TBC1D8B: variants seen among roughly 807,000 people sequenced by gnomAD.
TBC1D8B encodes RP11-321G1.1.
Under a neutral mutation model 82.9 loss-of-function variants are expected in TBC1D8B, and 75 were observed. The ratio of observed to expected loss-of-function variants is 0.90; its 90% CI spans 0.75 to 1.10. The LOEUF (loss-of-function observed/expected upper bound fraction) is 1.10, where lower values mean the gene tolerates loss of function less well. TBC1D8B is among the 50% of genes least tolerant of loss of function. The pLI is 0.00. For synonymous variants in TBC1D8B, 276 were observed against 276.8 expected (o/e 1.00, Z 0.03); for missense variants, 794 against 796.9 (o/e 1.00, Z 0.04).
At chrX:106,825,748 G>A (rs1338994275) in intron 5 of TBC1D8B, among the ~76,000 whole-genome samples, 2 of 110,887 alleles carry the variant, frequency 1.8e-5, no homozygotes, top group African/African-American at 6.5e-5. Context: ...AGTCTTCTAG[G>A]AAATCACCCC....
In TBC1D8B at chrX:106,810,305, C is replaced by T. The variant is rs188671554; in HGVS notation, c.130+7322C>T. On this transcript the variant is annotated intron_variant, in intron 1 of 20. Transcript: ENST00000357242. The stretch of plus-strand genomic sequence containing the variant: ...GTAGAAGTGGTGGGAGGAGGGGGGA[C>T]GTTCTAAGTAGGAGGAATAATGTGA... 1.6e-4 allele frequency among the ~76,000 whole-genome samples: 18 copies of T among 110,997 alleles called. No individual in the cohort carries two copies. The East Asian group carries it at 4.5e-3, about 28-fold the overall frequency.
intron 7 of TBC1D8B, among the ~76,000 whole-genome samples, chrX:106,835,774 A>G (rs1002839223): frequency 8.9e-6 from 1 of 111,893 alleles, no homozygotes; most frequent in African/African-American, 3.3e-5. Flanking sequence ...CCTCATCTCC[A>G]TCTGAGACCA....
At chrX:106,817,302 A>C (rs1039425389) in intron 1 of TBC1D8B, among the ~76,000 whole-genome samples, 1 of 111,475 alleles carries the variant, frequency 9.0e-6, no homozygotes, top group Non-Finnish European at 1.9e-5. Context: ...AAAATTATAT[A>C]CATGAAGCTC....
intron 7 of TBC1D8B, among the ~76,000 whole-genome samples, chrX:106,834,807 G>C (rs1050469296): frequency 1.8e-5 from 2 of 112,116 alleles, no homozygotes; most frequent in Non-Finnish European, 3.8e-5. Flanking sequence ...TTGACTCCAT[G>C]TCTCATATCT....
intron 1 of TBC1D8B, among the ~76,000 whole-genome samples, chrX:106,811,338 C>A (rs775532569): frequency 2.6e-4 from 29 of 111,290 alleles, no homozygotes; most frequent in Middle Eastern, 9.1e-3. Context: ...CAGCCTCGGC[C>A]ACACAGTAAG....
intron 10 of TBC1D8B, among the ~76,000 whole-genome samples, chrX:106,843,732 A>G: frequency 9.0e-6 from 1 of 110,759 alleles, no homozygotes; most frequent in South Asian, 3.8e-4. Context: ...CTCTGCAAAC[A>G]AGAAAAAAAA....
intron 8 of TBC1D8B, 62 bp from the exon 9 acceptor site, chrX:106,839,986 G>A (rs2147751562): frequency 2.7e-6 from 3 of 1,093,141 alleles, no homozygotes; most frequent in Admixed American, 2.7e-5. Flanking sequence ...GAGTGGGAAA[G>A]TTATTTTGCA....
chrX:106,827,628 G>T, intron 7 of TBC1D8B: 2 of 198,150 alleles, frequency 1.0e-5, no homozygotes, highest in Admixed American at 7.1e-5. Context: ...CACATAGTTT[G>T]GTTTTTAAGA....
chrX:106,869,411 TATG>T, intron 18 of TBC1D8B, 71 bp from the exon 19 acceptor site: 1 of 924,986 alleles, frequency 1.1e-6, no homozygotes, highest in Non-Finnish European at 1.6e-6. Context: ...TATACGTCTA[TATG>T]AAACATTATT....
At chrX:106,838,419 G>A (rs1358715647) in intron 7 of TBC1D8B, among the ~76,000 whole-genome samples, 1 of 111,547 alleles carries the variant, frequency 9.0e-6, no homozygotes, top group Non-Finnish European at 1.9e-5. Context: ...GGATATCTGT[G>A]TGAAGGTATA....
chrX:106,831,910 A>T (rs1441419226), intron 7 of TBC1D8B, among the ~76,000 whole-genome samples: 1 of 111,402 alleles, frequency 9.0e-6, no homozygotes, highest in Non-Finnish European at 1.9e-5. Flanking sequence ...AAGAATATTG[A>T]CCCATTTTAG....
chrX:106,840,947 T>C (rs1307491326), intron 10 of TBC1D8B, 63 bp downstream of exon 10: 2 of 1,035,294 alleles, frequency 1.9e-6, no homozygotes, highest in African/African-American at 1.9e-5. Flanking sequence ...CAAATCCAAT[T>C]CCACTAATTT....
At chrX:106,832,308 T>G (rs1198631174) in intron 7 of TBC1D8B, among the ~76,000 whole-genome samples, 1 of 111,776 alleles carries the variant, frequency 8.9e-6, no homozygotes, top group East Asian at 2.8e-4. Context: ...GGTATATATT[T>G]AAATGTTCCA....
In TBC1D8B at chrX:106,854,312, A is replaced by C. The variant is rs771860551; in HGVS notation, c.2352+16A>C. 1.0e-5 allele frequency: 11 copies of C among 1,075,976 alleles called. No individual in the cohort carries two copies. The highest frequency in any genetic ancestry group is 1.4e-5 in the Non-Finnish European group (11 of 805,645). The allele number at this position is 1,075,976 out of a possible 1,213,427, so 88.7% of individuals were successfully genotyped here. On this transcript the variant is annotated intron_variant, in intron 14 of 20. Coordinates refer to ENST00000357242, the MANE Select transcript of TBC1D8B (RefSeq NM_017752.3). ...ACAGAATGTGGTAAGTATGCAACCAATGAGGAAAAACCAGTTGGAGTAATT... is the reference window on the plus strand; with the variant it reads ...ACAGAATGTGGTAAGTATGCAACCACTGAGGAAAAACCAGTTGGAGTAATT...
At chrX:106,839,480 C>A in intron 8 of TBC1D8B, 23 bp downstream of exon 8, 2 of 1,107,009 alleles carry the variant, frequency 1.8e-6, no homozygotes, top group Non-Finnish European at 2.4e-6. Context: ...AATATTTAAA[C>A]CTATGGGCTG....
intron 20 of TBC1D8B, among the ~76,000 whole-genome samples, chrX:106,873,341 G>T (rs1249097453): frequency 9.0e-6 from 1 of 111,379 alleles, no homozygotes; most frequent in Non-Finnish European, 1.9e-5. Context: ...TGATCCACCC[G>T]CCTCGGCCTC....
At chrX:106,846,309 TGTCG>T (rs1932450486) in intron 10 of TBC1D8B, among the ~76,000 whole-genome samples, 1 of 106,711 alleles carries the variant, frequency 9.4e-6, no homozygotes, top group South Asian at 4.4e-4. Context: ...GGTTTCACCA[TGTCG>T]GCCAGGCTGG....
At position 106,854,316 on chromosome X, in the gene TBC1D8B, G is replaced by A; in HGVS notation, c.2352+20G>A. 9.6e-7 allele frequency: 1 copy of A among 1,044,098 alleles called. No homozygotes were observed. Among genetic ancestry groups the A allele is most frequent in the Non-Finnish European group, 1.3e-6 (1 of 780,901 alleles). The allele number at this position is 1,044,098 out of a possible 1,213,427, so 86.0% of individuals were successfully genotyped here. Reference sequence around the variant, plus strand: ...AATGTGGTAAGTATGCAACCAATGAGGAAAAACCAGTTGGAGTAATTTTTT... The same window carrying A: ...AATGTGGTAAGTATGCAACCAATGAAGAAAAACCAGTTGGAGTAATTTTTT... On this transcript the variant is annotated intron_variant, in intron 14 of 20. Coordinates refer to ENST00000357242, the MANE Select transcript of TBC1D8B (RefSeq NM_017752.3).
rs1046351752 is a variant in TBC1D8B, at chrX:106,840,160, C to T, written c.1466C>T (p.Pro489Leu). Residue 489 changes from proline (P) to leucine (L), a missense_variant, in exon 9 of 21, where the codon CCA (proline) becomes CTA (leucine). By Grantham distance (98) the Pro-to-Leu change is moderately conservative. Transcript: ENST00000357242. ...KTRDLVVRGI[P>L]ETLRGELWML... ...CGAGATCTTGTTGTAAGAGGGATTC[C>T]AGAAACATTAAGAGGAGAACTCTGG... is the stretch of plus-strand genomic sequence containing the variant. The T allele has an allele frequency of 2.5e-6, 3 of 1,208,118 alleles. No homozygotes were observed. In the African/African-American group the frequency reaches 5.3e-5, roughly 21 times the overall value.
Sources: allele counts gnomAD v4.1 joint callset (sites outside exome capture counted in the v4.1 genomes callset), GRCh38; gene constraint gnomAD v4.1.1; transcripts MANE v1.5; gene names NCBI Gene and HGNC (gene_info 2026-07-23, HGNC 2026-07-21).